Variants in CHST11 observed in about 807,000 individuals in gnomAD.
The protein encoded by CHST11 is C4S-1.
CHST11 carries 9 observed loss-of-function variants against 30.4 expected under a neutral mutation model. The ratio of observed to expected loss-of-function variants is 0.30; its 90% confidence interval spans 0.18 to 0.52. The LOEUF (loss-of-function observed/expected upper bound fraction) is 0.52, where lower values mean the gene tolerates loss of function less well. Ranked by LOEUF, CHST11 falls within the 20% of genes least tolerant of loss-of-function variation. CHST11 has a pLI of 0.97. For missense variants in CHST11, 348 were observed against 460.6 expected (o/e 0.76, Z 2.24); for synonymous variants, 152 against 187.8 (o/e 0.81, Z 1.56).
intron 2 of CHST11, among the ~76,000 whole-genome samples, chr12:104,710,168 C>G (rs749476828): frequency 6.6e-6 from 1 of 152,040 alleles, no homozygotes; most frequent in Non-Finnish European, 1.5e-5. Flanking sequence ...CCACTGCACT[C>G]CAGCCTGGTC....
chr12:104,697,897 C>T (rs1474041428), intron 2 of CHST11, among the ~76,000 whole-genome samples: 8 of 152,114 alleles, frequency 5.3e-5, no homozygotes, highest in African/African-American at 9.7e-5. Flanking sequence ...AAGTAAAGGG[C>T]GACTTCCTAT....
At chr12:104,575,347 A>G (rs1403066939) in intron 1 of CHST11, among the ~76,000 whole-genome samples, 1 of 152,142 alleles carries the variant, frequency 6.6e-6, no homozygotes, top group African/African-American at 2.4e-5. Context: ...TGTTCTTGCT[A>G]TGAACAGAAA....
At chr12:104,751,932 T>A (rs1261518646) in intron 2 of CHST11, among the ~76,000 whole-genome samples, 1 of 152,250 alleles carries the variant, frequency 6.6e-6, no homozygotes, top group Non-Finnish European at 1.5e-5. Flanking sequence ...TCTTATATGA[T>A]GTTATCTTCT....
At chr12:104,732,705 T>C (rs2040267286) in intron 2 of CHST11, among the ~76,000 whole-genome samples, 1 of 152,190 alleles carries the variant, frequency 6.6e-6, no homozygotes, top group African/African-American at 2.4e-5. Flanking sequence ...GGTATCCGAT[T>C]GGTGTTGCTG....
chr12:104,532,413 T>C (rs1197509376), intron 1 of CHST11, among the ~76,000 whole-genome samples: 2 of 144,632 alleles, frequency 1.4e-5, no homozygotes, highest in African/African-American at 5.0e-5. Flanking sequence ...CTCAAAAACC[T>C]GTAGGTTCCA....
chr12:104,537,332 C>T (rs1274226266), intron 1 of CHST11, among the ~76,000 whole-genome samples: 1 of 152,164 alleles, frequency 6.6e-6, no homozygotes, highest in Admixed American at 6.5e-5. Context: ...GGCAGGTGCC[C>T]AGCATTGAAT....
intron 1 of CHST11, among the ~76,000 whole-genome samples, chr12:104,563,159 G>A (rs1426410734): frequency 5.9e-5 from 9 of 152,152 alleles, no homozygotes; most frequent in Non-Finnish European, 1.2e-4. Context: ...TCGTGTCTCA[G>A]CCTCCCGAGT....
At chr12:104,511,379 C>T (rs2037964474) in intron 1 of CHST11, among the ~76,000 whole-genome samples, 1 of 152,162 alleles carries the variant, frequency 6.6e-6, no homozygotes, top group Non-Finnish European at 1.5e-5. Flanking sequence ...CAGTTTCTGC[C>T]TTTCTGCTTT....
intron 2 of CHST11, among the ~76,000 whole-genome samples, chr12:104,723,829 A>G (rs1180683122): frequency 6.6e-6 from 1 of 152,378 alleles, no homozygotes; most frequent in Non-Finnish European, 1.5e-5. Context: ...CAGTTCCTAT[A>G]TAAAACGAAT....
intron 1 of CHST11, among the ~76,000 whole-genome samples, chr12:104,563,126 G>A (rs971273326): frequency 2.6e-5 from 4 of 151,892 alleles, no homozygotes; most frequent in Non-Finnish European, 5.9e-5. Context: ...CTCAACCTCC[G>A]TCCCCCCGGG....
chr12:104,555,872 C>A (rs1553839), intron 1 of CHST11, among the ~76,000 whole-genome samples: 4 of 152,134 alleles, frequency 2.6e-5, no homozygotes, highest in African/African-American at 9.7e-5. Context: ...GCCCTGGGGG[C>A]GTCCAGCCCC....
In CHST11 at chr12:104,492,816, G is replaced by A. The variant is rs570437665; in HGVS notation, c.118+35287G>A. ...TGGGAGACCGAGGCGGGCAGATCAC[G>A]AGGTCAGCAGTTTGAGACCAGCCTG... is the stretch of plus-strand genomic sequence containing the variant. On this transcript the variant is annotated intron_variant, in intron 1 of 2. Coordinates refer to ENST00000303694, the MANE Select transcript of CHST11 (RefSeq NM_018413.6). Among the ~76,000 whole-genome samples, 9 of 152,244 alleles carry A rather than the reference G, an allele frequency of 5.9e-5. No homozygotes were observed. The South Asian group carries it at 1.5e-3, about 25-fold the overall frequency.
intron 2 of CHST11, 159 bp downstream of exon 2, chr12:104,602,150 T>G: frequency 1.6e-6 from 1 of 613,552 alleles, no homozygotes; most frequent in Non-Finnish European, 2.9e-6. Context: ...TTTTTCTATG[T>G]AGCATCTCTG....
intron 1 of CHST11, among the ~76,000 whole-genome samples, chr12:104,502,805 C>T (rs574012163): frequency 2.6e-5 from 4 of 152,328 alleles, no homozygotes; most frequent in African/African-American, 4.8e-5. Context: ...ACTACGGAGG[C>T]CCAGAACCCA....
chr12:104,473,086 G>T (rs1263552373), intron 1 of CHST11, among the ~76,000 whole-genome samples: 1 of 152,186 alleles, frequency 6.6e-6, no homozygotes, highest in African/African-American at 2.4e-5. Context: ...CTGTTTTTCA[G>T]ATGATGAAAT....
intron 1 of CHST11, among the ~76,000 whole-genome samples, chr12:104,527,943 T>TCACTC (rs2038144561): frequency 1.3e-5 from 2 of 152,160 alleles, no homozygotes; most frequent in African/African-American, 4.8e-5. Context: ...TCATGAGAAT[T>TCACTC]CACTCAGTAT....
In CHST11 at chr12:104,457,159, A is replaced by C; in HGVS notation, c.-253A>C. On this transcript the variant is annotated 5_prime_UTR_variant, in exon 1 of 3. Transcript: ENST00000303694. ...GATCGGAGGAGGCGGCGGAGCGGCG[A>C]GGAGGAGGAGCAGGAGCGCGCAGCC... The C allele has an allele frequency of 3.3e-6, 1 of 305,438 alleles. No individual in the cohort carries two copies. 18.9% of individuals were successfully genotyped at this position (305,438 alleles called of 1,614,324 possible).
chr12:104,487,199 C>T (rs2037688192), intron 1 of CHST11, among the ~76,000 whole-genome samples: 1 of 152,174 alleles, frequency 6.6e-6, no homozygotes, highest in Non-Finnish European at 1.5e-5. Context: ...TAATGACTGT[C>T]TCTTCTTGAG....
rs1210226686 is a variant in CHST11, at chr12:104,757,172, A to G, written c.428A>G (p.Lys143Arg). 2 of 1,614,124 alleles carry G rather than the reference A, an allele frequency of 1.2e-6. No individual in the cohort carries two copies. Among genetic ancestry groups the G allele is most frequent in the Admixed American group, 1.7e-5 (1 of 60,020 alleles). ...ATGATGGTCCTGACCGGGCGGGGGA[A>G]GTACAGCGACCCCATGGAGATCCCG... ...RLMMVLTGRG[K>R]YSDPMEIPAN... The change falls in exon 3 of 3, where the codon AAG becomes AGG. Residue 143 changes from lysine to arginine, a missense_variant. Physicochemically the swap from Lys to Arg is conservative, Grantham distance 26. Transcript: ENST00000303694. This position sits in a 1 kb window ranked among gnomAD's most constrained non-coding sequence, Gnocchi z 6.5.
Sources: allele counts gnomAD v4.1 joint callset (sites outside exome capture counted in the v4.1 genomes callset), GRCh38; gene constraint gnomAD v4.1.1; non-coding constraint Gnocchi (gnomAD v3.1); transcripts MANE v1.5; gene names NCBI Gene and HGNC (gene_info 2026-07-23, HGNC 2026-07-21).